UQCC2: variants seen among roughly 807,000 people sequenced by gnomAD.
UQCC2 encodes ubiquinol-cytochrome c reductase complex assembly factor 2.
In UQCC2, 21 loss-of-function variants were observed where a neutral mutation model predicts 19.9. The observed-to-expected ratio is 1.05, with a 90% CI of 0.75 to 1.52. The LOEUF is 1.52. UQCC2 is among the 40% of genes most tolerant of loss of function. The pLI, the probability that UQCC2 is intolerant of heterozygous loss-of-function variation, is 0.00. For missense variants in UQCC2, 135 were observed against 157.5 expected, an observed-to-expected ratio of 0.86 and a Z score of 0.76; for synonymous variants, 57 against 60.9, an observed-to-expected ratio of 0.94 and a Z score of 0.30.
intron 1 of UQCC2, among the ~76,000 whole-genome samples, chr6:33,708,109 C>G (rs2127337921): frequency 6.6e-6 from 1 of 152,394 alleles, no homozygotes; most frequent in Non-Finnish European, 1.5e-5. Flanking sequence ...CCAGGACCAT[C>G]TTTCTTCCCA....
intron 1 of UQCC2, among the ~76,000 whole-genome samples, chr6:33,703,170 G>A (rs1048505071): frequency 8.5e-5 from 13 of 152,220 alleles, no homozygotes; most frequent in African/African-American, 2.7e-4. Context: ...AACACATCTG[G>A]AACATTTCTT....
chr6:33,700,570 T>C, intron 2 of UQCC2, 57 bp from the exon 3 acceptor site: 1 of 1,582,958 alleles, frequency 6.3e-7, no homozygotes, highest in South Asian at 1.1e-5. Flanking sequence ...ACACAAGCCC[T>C]GCTCTCTAAC....
intron 3 of UQCC2, 143 bp from the exon 4 acceptor site, chr6:33,697,893 G>C (rs1002641104): frequency 1.5e-6 from 1 of 647,388 alleles, no homozygotes; most frequent in Non-Finnish European, 2.7e-6. Flanking sequence ...CCCAGCTCCT[G>C]AAGAGCAGAT....
chr6:33,697,579 C>T lies in UQCC2; in HGVS notation c.*74G>A. Reference sequence around the variant, plus strand: ...CCCAAACCGTAAGGTCAAGGGGAAACTGGGGCAGTTTTATTGACGATGGCA... The same window carrying T: ...CCCAAACCGTAAGGTCAAGGGGAAATTGGGGCAGTTTTATTGACGATGGCA... On this transcript the variant is annotated 3_prime_UTR_variant, in exon 4 of 4. Transcript: ENST00000607484. 1.7e-6 allele frequency: 2 copies of T among 1,164,298 alleles called. No individual in the cohort carries two copies. Among genetic ancestry groups the T allele is most frequent in the Non-Finnish European group, 2.5e-6 (2 of 813,814 alleles). The allele number at this position is 1,164,298 out of a possible 1,614,324, so 72.1% of individuals were successfully genotyped here. A position where few individuals can be genotyped will look rare whatever the true frequency, so the allele number is the denominator to read the frequency against.
At chr6:33,709,746 G>C (rs1456597670) in intron 1 of UQCC2, among the ~76,000 whole-genome samples, 1 of 151,742 alleles carries the variant, frequency 6.6e-6, no homozygotes, top group Non-Finnish European at 1.5e-5. Flanking sequence ...GGCTGGCTTG[G>C]CTCTGTTTCG....
chr6:33,698,488 T>G (rs1227853739), intron 3 of UQCC2: 1 of 151,482 alleles, frequency 6.6e-6, no homozygotes, highest in Non-Finnish European at 1.5e-5. Context: ...AAGAAAAGCA[T>G]GGAGGTAACT....
chr6:33,703,247 C>T (rs1197430556), intron 1 of UQCC2, among the ~76,000 whole-genome samples: 3 of 152,152 alleles, frequency 2.0e-5, no homozygotes, highest in South Asian at 4.1e-4. Flanking sequence ...TCACTGCAAA[C>T]TCCCCTCCTG....
At chr6:33,709,121 G>A (rs569708753) in intron 1 of UQCC2, among the ~76,000 whole-genome samples, 2 of 152,318 alleles carry the variant, frequency 1.3e-5, no homozygotes, top group South Asian at 2.1e-4. Flanking sequence ...TAACAATCAA[G>A]CAAGTGAATG....
chr6:33,699,645 T>C (rs1765615260), intron 3 of UQCC2, among the ~76,000 whole-genome samples: 1 of 152,216 alleles, frequency 6.6e-6, no homozygotes, highest in Non-Finnish European at 1.5e-5. Context: ...TGACATGTAA[T>C]AGCAGGTGAC....
At chr6:33,711,360 C>CG (rs1765768127) in intron 1 of UQCC2, among the ~76,000 whole-genome samples, 189 bp downstream of exon 1, 2 of 152,198 alleles carry the variant, frequency 1.3e-5, no homozygotes, top group African/African-American at 4.8e-5. Flanking sequence ...AAGGTGCAGC[C>CG]GGGGGAGAGC....
intron 1 of UQCC2, among the ~76,000 whole-genome samples, chr6:33,701,875 G>A (rs1305636910): frequency 2.0e-5 from 3 of 150,880 alleles, no homozygotes; most frequent in Admixed American, 2.0e-4. Flanking sequence ...TCTGAAGGAA[G>A]CACAGCAGAA....
chr6:33,710,118 C>A (rs1472220114), intron 1 of UQCC2, among the ~76,000 whole-genome samples: 1 of 152,150 alleles, frequency 6.6e-6, no homozygotes, highest in Admixed American at 6.5e-5. Flanking sequence ...CATATATCAG[C>A]AAGTCCTGCT....
intron 1 of UQCC2, among the ~76,000 whole-genome samples, chr6:33,704,442 G>A (rs913573280): frequency 6.6e-6 from 1 of 152,136 alleles, no homozygotes; most frequent in African/African-American, 2.4e-5. Context: ...GCACTGCCGA[G>A]GGTGGCGCTG....
Position 33,697,665 on chromosome 6 carries a change from ATCC to A in UQCC2, c.366_368del (p.Glu122del). 6.2e-7 allele frequency: 1 copy of A among 1,613,360 alleles called. No individual in the cohort carries two copies. The highest frequency in any genetic ancestry group is 1.3e-5 in the African/African-American group (1 of 74,978). ...GTAAGGCCTGAGCTCAGGCCTTATG[ATCC>A]TCCTCAGGACCCTTGGGGGCAAACT... On this transcript the variant is annotated inframe_deletion, in exon 4 of 4. Coordinates refer to ENST00000607484, the MANE Select transcript of UQCC2 (RefSeq NM_032340.4).
chr6:33,708,688 C>T (rs1765729147), intron 1 of UQCC2, among the ~76,000 whole-genome samples: 3 of 152,200 alleles, frequency 2.0e-5, no homozygotes, highest in East Asian at 1.9e-4. Context: ...ATCTAAGCCC[C>T]ACCTCCTGCT....
chr6:33,701,027 C>T (rs756467732), intron 2 of UQCC2, among the ~76,000 whole-genome samples: 1 of 152,126 alleles, frequency 6.6e-6, no homozygotes. Flanking sequence ...GTGTCAGTTC[C>T]GTCAGAGTGG....
chr6:33,703,433 C>T (rs528828603), intron 1 of UQCC2, among the ~76,000 whole-genome samples: 1 of 152,168 alleles, frequency 6.6e-6, no homozygotes, highest in African/African-American at 2.4e-5. Context: ...AAAGTGTGCT[C>T]ACTTATAAAT....
At chr6:33,701,766 CAA>C (rs1321818716) in intron 1 of UQCC2, among the ~76,000 whole-genome samples, 2 of 151,904 alleles carry the variant, frequency 1.3e-5, no homozygotes, top group African/African-American at 4.8e-5. Flanking sequence ...GCGTGCCTAA[CAA>C]AGGGGGTGCT....
chr6:33,706,795 G>T (rs571522381), intron 1 of UQCC2, among the ~76,000 whole-genome samples: 30 of 152,310 alleles, frequency 2.0e-4, no homozygotes, highest in African/African-American at 6.0e-4. Context: ...CTGTGTTTGG[G>T]TTTTTTGCGG....
Sources: gnomAD v4.1 joint callset for allele counts (sites outside exome capture counted in the v4.1 genomes callset) on GRCh38, gnomAD v4.1.1 for gene constraint, MANE v1.5 for transcripts, NCBI Gene and HGNC (gene_info 2026-07-23, HGNC 2026-07-21) for gene names.